The following PLPP1 variants were observed in gnomAD, a reference collection of about 807,000 sequenced individuals.
The protein encoded by PLPP1 is phospholipid phosphatase 1.
Under a neutral mutation model 31.2 loss-of-function variants are expected in PLPP1, and 24 were observed. That is an observed-to-expected ratio of 0.77 (90% CI 0.56 to 1.08). The LOEUF (loss-of-function observed/expected upper bound fraction) is 1.08. Among genes scored for constraint, PLPP1 ranks in the 50% least tolerant of loss-of-function variants. The pLI, the probability that PLPP1 is intolerant of heterozygous loss-of-function variation, is 0.00. For synonymous variants in PLPP1, 146 were observed against 126.3 expected (o/e 1.16, Z -1.05); for missense variants, 319 against 342.7 (o/e 0.93, Z 0.55).
intron 1 of PLPP1, among the ~76,000 whole-genome samples, chr5:55,524,637 C>G (rs1158702116): frequency 6.6e-6 from 1 of 151,990 alleles, no homozygotes; most frequent in Admixed American, 6.6e-5. Context: ...TGGTGAAACC[C>G]CATCTCTACT....
chr5:55,527,801 T>C (rs1740520048), intron 1 of PLPP1, among the ~76,000 whole-genome samples: 1 of 152,082 alleles, frequency 6.6e-6, no homozygotes, highest in Admixed American at 6.5e-5. Flanking sequence ...TAACTATAGA[T>C]GGCTGGCAGA....
intron 3 of PLPP1, among the ~76,000 whole-genome samples, chr5:55,461,039 A>C (rs1037032114): frequency 3.3e-5 from 5 of 151,950 alleles, no homozygotes; most frequent in Admixed American, 1.3e-4. Flanking sequence ...CTACAACAAC[A>C]ACAAAAATTA....
chr5:55,455,540 G>A (rs960243975), intron 3 of PLPP1, among the ~76,000 whole-genome samples: 5 of 152,324 alleles, frequency 3.3e-5, no homozygotes, highest in Admixed American at 2.0e-4. Flanking sequence ...GAGATTGGTT[G>A]CACCCGGGAG....
At chr5:55,448,368 T>TGG (rs1227525446) in intron 3 of PLPP1, among the ~76,000 whole-genome samples, 12 of 151,998 alleles carry the variant, frequency 7.9e-5, no homozygotes, top group African/African-American at 2.7e-4. Context: ...TAATTCCACT[T>TGG]TGAGGTATGT....
intron 1 of PLPP1, among the ~76,000 whole-genome samples, chr5:55,506,117 G>C (rs1242649808): frequency 6.6e-6 from 1 of 151,840 alleles, no homozygotes; most frequent in Non-Finnish European, 1.5e-5. Flanking sequence ...GAAACTAAAA[G>C]CAATATAGAA....
intron 1 of PLPP1, among the ~76,000 whole-genome samples, chr5:55,525,640 A>G (rs549540695): frequency 2.3e-4 from 35 of 152,248 alleles, no homozygotes; most frequent in African/African-American, 8.2e-4. Context: ...CTGGCCCCCA[A>G]TTTTAGACTA....
intron 1 of PLPP1, among the ~76,000 whole-genome samples, chr5:55,502,808 T>C (rs1753175657): frequency 6.6e-6 from 1 of 152,170 alleles, no homozygotes; most frequent in African/African-American, 2.4e-5. Flanking sequence ...ATAGGTTTTA[T>C]TGTGAGCCAG....
At chr5:55,485,563 A>AAAT (rs1157644665) in intron 1 of PLPP1, among the ~76,000 whole-genome samples, 4 of 150,664 alleles carry the variant, frequency 2.7e-5, no homozygotes, top group Non-Finnish European at 5.9e-5. Flanking sequence ...ATGGGTATAT[A>AAAT]GTTAAGGCAT....
chr5:55,497,039 C>G (rs1403755915), intron 1 of PLPP1, among the ~76,000 whole-genome samples: 2 of 152,152 alleles, frequency 1.3e-5, no homozygotes, highest in Non-Finnish European at 2.9e-5. Context: ...AGTGACTACA[C>G]TGATTCATGT....
intron 4 of PLPP1, among the ~76,000 whole-genome samples, chr5:55,440,784 C>T (rs2111704566): frequency 6.6e-6 from 1 of 152,260 alleles, no homozygotes; most frequent in South Asian, 2.1e-4. Flanking sequence ...ATCTCTGAGA[C>T]TAATTCCCAT....
intron 1 of PLPP1, among the ~76,000 whole-genome samples, chr5:55,489,376 T>A (rs1038494357): frequency 4.6e-5 from 7 of 152,308 alleles, no homozygotes; most frequent in African/African-American, 1.7e-4. Context: ...TCTATTGTCA[T>A]CCAAGTGGCA....
At chr5:55,532,680 T>A (rs1379242465) in intron 1 of PLPP1, among the ~76,000 whole-genome samples, 1 of 152,188 alleles carries the variant, frequency 6.6e-6, no homozygotes, top group Non-Finnish European at 1.5e-5. Context: ...AGTGTTCAGT[T>A]GGGCGCGGTG....
At chr5:55,465,065 ACAGAGT>A (rs1752258165) in intron 3 of PLPP1, among the ~76,000 whole-genome samples, 13 of 146,664 alleles carry the variant, frequency 8.9e-5, no homozygotes, top group Admixed American at 7.6e-4. Flanking sequence ...TTTTTTTGAG[ACAGAGT>A]CTCATCCTGT....
chr5:55,441,951 GCC>G, intron 3 of PLPP1, 43 bp from the exon 4 acceptor site: 1 of 1,570,506 alleles, frequency 6.4e-7, no homozygotes, highest in Non-Finnish European at 8.8e-7. Flanking sequence ...TCTCTTAGGA[GCC>G]AAAAGTATTG....
At chr5:55,455,829 G>A (rs1751993092) in intron 3 of PLPP1, among the ~76,000 whole-genome samples, 1 of 152,172 alleles carries the variant, frequency 6.6e-6, no homozygotes, top group Non-Finnish European at 1.5e-5. Context: ...AAATTCTCAA[G>A]CCCCATGCTA....
intron 1 of PLPP1, among the ~76,000 whole-genome samples, chr5:55,503,885 AG>A: frequency 3.1e-5 from 1 of 31,876 alleles, no homozygotes; most frequent in Non-Finnish European, 6.2e-5. Context: ...GAAGAAGTAG[AG>A]GGGGGAGGAA....
chr5:55,488,578 G>A (rs1423707599), intron 1 of PLPP1, among the ~76,000 whole-genome samples: 3 of 151,830 alleles, frequency 2.0e-5, no homozygotes, highest in Non-Finnish European at 4.4e-5. Context: ...CCTGGGAGGC[G>A]GAGGTTGCAC....
At chr5:55,525,641 T>C (rs908663182) in intron 1 of PLPP1, among the ~76,000 whole-genome samples, 1 of 152,086 alleles carries the variant, frequency 6.6e-6, no homozygotes, top group African/African-American at 2.4e-5. Context: ...TGGCCCCCAA[T>C]TTTAGACTAG....
intron 1 of PLPP1, among the ~76,000 whole-genome samples, chr5:55,483,644 C>T (rs1241349513): frequency 6.8e-6 from 1 of 147,138 alleles, no homozygotes; most frequent in Admixed American, 6.9e-5. Flanking sequence ...TGCACTCTAG[C>T]CTGGGTGACA....
Sources: allele counts gnomAD v4.1 joint callset (sites outside exome capture counted in the v4.1 genomes callset), GRCh38; gene constraint gnomAD v4.1.1; transcripts MANE v1.5; gene names NCBI Gene and HGNC (gene_info 2026-07-23, HGNC 2026-07-21).